The following ZNF653 variants were observed in gnomAD, a reference collection of about 807,000 sequenced individuals.
The protein encoded by ZNF653 is 67 kDa zinc finger protein.
ZNF653 carries 37 observed loss-of-function variants against 59.9 expected under a neutral mutation model. The ratio of observed to expected loss-of-function variants is 0.62; its 90% CI spans 0.48 to 0.81. The LOEUF (loss-of-function observed/expected upper bound fraction) is 0.81, where lower values mean the gene tolerates loss of function less well. Among genes scored for constraint, ZNF653 ranks in the 40% least tolerant of loss-of-function variants. The probability of loss-of-function intolerance (pLI) is 0.00; values close to 1 mark genes in which losing one functional copy is unlikely to be tolerated. For synonymous variants in ZNF653, 435 were observed against 371.8 expected (o/e 1.17, Z -1.96); for missense variants, 808 against 881.1 (o/e 0.92, Z 1.05).
At chr19:11,503,483 T>C (rs1043918993) in intron 1 of ZNF653, among the ~76,000 whole-genome samples, 2 of 152,206 alleles carry the variant, frequency 1.3e-5, no homozygotes, top group African/African-American at 2.4e-5. Flanking sequence ...TCATGGACGA[T>C]ACAATTTACT....
intron 1 of ZNF653, among the ~76,000 whole-genome samples, chr19:11,499,745 C>T (rs1599568068): frequency 1.3e-5 from 2 of 152,010 alleles, no homozygotes; most frequent in South Asian, 4.2e-4. Flanking sequence ...AACCCCATCT[C>T]CACAAAAAAT....
chr19:11,485,516 G>A, intron 7 of ZNF653, 140 bp downstream of exon 7: 1 of 629,280 alleles, frequency 1.6e-6, no homozygotes, highest in Non-Finnish European at 2.8e-6. Context: ...GCTTACTGAG[G>A]ACAGGGAGGA....
Position 11,487,791 on chromosome 19 carries a change from T to A in ZNF653, c.672A>T (p.Ala224=). ...TGCCCACCGGGCTGGTGGGCGTCGC[T>A]GCCGCTGCCGCTGCCGCAGCCTTGA... The part of the protein sequence containing the change: ...QPVKAAAAAA[A]ATPTSPVGSS... The change falls in exon 4 of 9, where the codon GCA becomes GCT. Residue 224 remains alanine, a synonymous_variant. Coordinates refer to ENST00000293771, the MANE Select transcript of ZNF653 (RefSeq NM_138783.4). The surrounding 1 kb of genome is among the most constrained non-coding windows in gnomAD (Gnocchi z 5.1). 1 of 1,606,592 alleles carries A rather than the reference T, an allele frequency of 6.2e-7. No homozygotes were observed. The highest frequency in any genetic ancestry group is 8.5e-7 in the Non-Finnish European group (1 of 1,178,334).
chr19:11,495,692 C>T lies in ZNF653; in HGVS notation c.559+258G>A, dbSNP rs944122056. 1.2e-5 allele frequency: 6 copies of T among 488,220 alleles called. No homozygotes were observed. Among genetic ancestry groups the T allele is most frequent in the African/African-American group, 9.7e-5 (5 of 51,322 alleles). 30.2% of individuals were successfully genotyped at this position (488,220 alleles called of 1,614,324 possible). A position where few individuals can be genotyped will look rare whatever the true frequency, so the allele number is the denominator to read the frequency against. ...CTCCTGGGCCCTCAGCCAGCCCTGC[C>T]TGGGACTGGCCTTGGGCACAGATTG... is the stretch of plus-strand genomic sequence containing the variant. On this transcript the variant is annotated intron_variant, in intron 3 of 8. Transcript: ENST00000293771. The surrounding 1 kb of genome is among the most constrained non-coding windows in gnomAD (Gnocchi z 4.9).
In ZNF653 at chr19:11,487,589, G is replaced by A. The variant is rs746073088; in HGVS notation, c.874C>T (p.Leu292Phe). 8 of 1,613,794 alleles carry A rather than the reference G, an allele frequency of 5.0e-6. No individual in the cohort carries two copies. Reference protein sequence around the residue: ...PVQVGAGPSALFENVPQEALG... With the variant: ...PVQVGAGPSAFFENVPQEALG... ...GCCTCCTGGGGCACGTTCTCAAAGA[G>A]GGCGCTGGGGCCCGCACCCACTTGC... Residue 292 changes from leucine to phenylalanine, a missense_variant, in exon 4 of 9, where the codon CTC (leucine) becomes TTC (phenylalanine). Physicochemically the swap from Leu to Phe is conservative, Grantham distance 22. Coordinates refer to ENST00000293771, the MANE Select transcript of ZNF653 (RefSeq NM_138783.4). The surrounding 1 kb of genome is among the most constrained non-coding windows in gnomAD (Gnocchi z 5.1).
intron 3 of ZNF653, among the ~76,000 whole-genome samples, chr19:11,494,337 C>T (rs978664638): frequency 3.1e-5 from 4 of 127,432 alleles, no homozygotes; most frequent in Admixed American, 7.7e-5. Flanking sequence ...GATAACATAA[C>T]ATAACATAAC....
chr19:11,498,847 T>C (rs12611106), intron 1 of ZNF653, among the ~76,000 whole-genome samples: 11,786 of 151,694 alleles, frequency 0.078, 732 homozygotes, highest in African/African-American at 0.17. Flanking sequence ...CAGGTTCAAG[T>C]GATTCTCCTG....
rs919830118 is a variant in ZNF653, at chr19:11,498,438, A to G, written c.300-99T>C. 5.3e-6 allele frequency: 8 copies of G among 1,508,384 alleles called. No individual in the cohort carries two copies. In the African/African-American group the frequency reaches 6.9e-5, roughly 13 times the overall value. 93.4% of individuals were successfully genotyped at this position (1,508,384 alleles called of 1,614,324 possible). Reference sequence around the variant, plus strand: ...TGGCTAGAGCCACTGCTCATTGTACACTGAAACTAAATCTGAACTTTTTGA... The same window carrying G: ...TGGCTAGAGCCACTGCTCATTGTACGCTGAAACTAAATCTGAACTTTTTGA... On this transcript the variant is annotated intron_variant, in intron 1 of 8. Coordinates refer to ENST00000293771, the MANE Select transcript of ZNF653 (RefSeq NM_138783.4).
chr19:11,495,899 A>C lies in ZNF653; in HGVS notation c.559+51T>G, dbSNP rs566286289. The C allele has an allele frequency of 6.4e-7, 1 of 1,555,010 alleles. No individual in the cohort carries two copies. Among genetic ancestry groups the C allele is most frequent in the East Asian group, 2.3e-5 (1 of 43,316 alleles). ...GTGATGCTAGCCTAGGGCTCGTAAG[A>C]AGCCCCCAGAAATGGGCGGCCCCCT... On this transcript the variant is annotated intron_variant, in intron 3 of 8. Coordinates refer to ENST00000293771, the MANE Select transcript of ZNF653 (RefSeq NM_138783.4). The surrounding 1 kb of genome is among the most constrained non-coding windows in gnomAD (Gnocchi z 4.9).
intron 6 of ZNF653, 86 bp downstream of exon 6, chr19:11,486,683 G>A: frequency 8.6e-7 from 1 of 1,166,134 alleles, no homozygotes; most frequent in Non-Finnish European, 1.2e-6. Flanking sequence ...AAATTTCAAG[G>A]GGCAAACTAG....
At chr19:11,483,944 C>T (rs1304601758) in intron 8 of ZNF653, 85 bp from the exon 9 acceptor site, 8 of 1,517,610 alleles carry the variant, frequency 5.3e-6, no homozygotes, top group Admixed American at 2.0e-5. Context: ...CAGGTGGAAC[C>T]GGGCCCAGAC....
chr19:11,483,677 G>A lies in ZNF653; in HGVS notation c.*5C>T, dbSNP rs778755043. Reference sequence around the variant, plus strand: ...ATAAATAGGGGCGGTCAGTGGTCAGGTGGGTCAGGTGGGCTTGTGATCCGG... The same window carrying A: ...ATAAATAGGGGCGGTCAGTGGTCAGATGGGTCAGGTGGGCTTGTGATCCGG... On this transcript the variant is annotated 3_prime_UTR_variant, in exon 9 of 9. Coordinates refer to ENST00000293771, the MANE Select transcript of ZNF653 (RefSeq NM_138783.4). The A allele has an allele frequency of 2.5e-6, 4 of 1,608,136 alleles. No homozygotes were observed. Among genetic ancestry groups the A allele is most frequent in the African/African-American group, 2.7e-5 (2 of 74,940 alleles).
intron 2 of ZNF653, among the ~76,000 whole-genome samples, chr19:11,496,516 C>G (rs922618865): frequency 4.6e-5 from 7 of 152,098 alleles, no homozygotes; most frequent in African/African-American, 1.7e-4. Context: ...TAACCACCCC[C>G]TACAGCCGCA....
chr19:11,496,495 G>A (rs1971590089), intron 2 of ZNF653, among the ~76,000 whole-genome samples: 1 of 152,118 alleles, frequency 6.6e-6, no homozygotes, highest in South Asian at 2.1e-4. Context: ...AGGACTCCCA[G>A]GCTCCCGCCC....
chr19:11,505,441 T>A, intron 1 of ZNF653, 47 bp downstream of exon 1: 1 of 1,393,862 alleles, frequency 7.2e-7, no homozygotes, highest in Non-Finnish European at 9.2e-7. Context: ...CCCGGCGGGG[T>A]CTGGGGGCGT....
intron 1 of ZNF653, among the ~76,000 whole-genome samples, chr19:11,499,804 C>G (rs1971625751): frequency 6.6e-6 from 1 of 151,930 alleles, no homozygotes; most frequent in Admixed American, 6.6e-5. Context: ...CCCAGCTACT[C>G]AGGAGGTTAA....
At chr19:11,503,530 G>A (rs1051523231) in intron 1 of ZNF653, among the ~76,000 whole-genome samples, 5 of 152,196 alleles carry the variant, frequency 3.3e-5, no homozygotes, top group Non-Finnish European at 7.3e-5. Flanking sequence ...CCTTTTGCCA[G>A]GTATGGTGGC....
In ZNF653 at chr19:11,505,782, G is replaced by A. The variant is rs1971716931; in HGVS notation, c.5C>T (p.Ala2Val). M[A>V]ERALEPEAEA... ...CGCCTCGGGCTCTAGCGCCCGCTCC[G>A]CCATCCCCCCCACCCTGGTTACCAG... The change falls in exon 1 of 9, where the codon GCG (alanine) becomes GTG (valine). Residue 2 changes from alanine to valine, a missense_variant. Ala to Val is a moderately conservative substitution (Grantham distance 64). Coordinates refer to ENST00000293771, the MANE Select transcript of ZNF653 (RefSeq NM_138783.4). The A allele has an allele frequency of 7.5e-7, 1 of 1,329,512 alleles. No homozygotes were observed. The highest frequency in any genetic ancestry group is 1.8e-5 in the South Asian group (1 of 55,302). The allele number at this position is 1,329,512 out of a possible 1,614,324, so 82.4% of individuals were successfully genotyped here.
chr19:11,489,060 T>A (rs7252396), intron 3 of ZNF653, among the ~76,000 whole-genome samples: 1 of 151,444 alleles, frequency 6.6e-6, no homozygotes, highest in African/African-American at 2.4e-5. Context: ...CCACCACACC[T>A]GGCTAATTTG....
Sources: allele counts gnomAD v4.1 joint callset (sites outside exome capture counted in the v4.1 genomes callset), GRCh38; gene constraint gnomAD v4.1.1; non-coding constraint Gnocchi (gnomAD v3.1); transcripts MANE v1.5; gene names NCBI Gene and HGNC (gene_info 2026-07-23, HGNC 2026-07-21).